Variants in ADAMTSL1 observed in about 807,000 individuals in gnomAD.
ADAMTSL1 encodes ADAMTS like 1.
ADAMTSL1 carries 126 observed loss-of-function variants against 201.8 expected under a neutral mutation model. The observed-to-expected ratio is 0.62, with a 90% CI of 0.54 to 0.72. The LOEUF (loss-of-function observed/expected upper bound fraction) is 0.72, where lower values mean the gene tolerates loss of function less well. ADAMTSL1 is among the 30% of genes least tolerant of loss of function. The probability of loss-of-function intolerance (pLI) is 0.00; values close to 1 mark genes in which losing one functional copy is unlikely to be tolerated. For synonymous variants in ADAMTSL1, 1,121 were observed against 903.4 expected (o/e 1.24, Z -4.32); for missense variants, 2,679 against 2,277.8 (o/e 1.18, Z -3.59).
At chr9:18,576,767 G>A (rs1171627389) in intron 4 of ADAMTSL1, among the ~76,000 whole-genome samples, 1 of 152,012 alleles carries the variant, frequency 6.6e-6, no homozygotes, top group East Asian at 1.9e-4. Context: ...ATCATACGAG[G>A]TAGTAGTAGT....
intron 15 of ADAMTSL1, among the ~76,000 whole-genome samples, chr9:18,725,399 C>T (rs1817818041): frequency 6.6e-6 from 1 of 152,190 alleles, no homozygotes; most frequent in African/African-American, 2.4e-5. Context: ...CCCTTCACAA[C>T]TTTGCCTAAG....
At chr9:18,377,602 C>G (rs1234179095) in intron 2 of ADAMTSL1, among the ~76,000 whole-genome samples, 2 of 152,112 alleles carry the variant, frequency 1.3e-5, no homozygotes, top group African/African-American at 4.8e-5. Context: ...CAGAGTCTCA[C>G]TCTGTCACCC....
intron 2 of ADAMTSL1, among the ~76,000 whole-genome samples, chr9:18,192,832 T>C (rs1160413784): frequency 1.3e-5 from 2 of 152,164 alleles, no homozygotes; most frequent in Non-Finnish European, 2.9e-5. Flanking sequence ...TCCCTATTCC[T>C]AGTAGGTTTT....
At chr9:18,503,980 A>ATGTGTGTGTGTGTG (rs57749719) in intron 1 of ADAMTSL1, among the ~76,000 whole-genome samples, 111 of 148,142 alleles carry the variant, frequency 7.5e-4, no homozygotes, top group African/African-American at 2.2e-3. Context: ...ATGTGCATGC[A>ATGTGTGTGTGTGTG]TGTGTGTGTG....
At chr9:18,411,143 T>G (rs1301081664) in intron 2 of ADAMTSL1, among the ~76,000 whole-genome samples, 1 of 150,986 alleles carries the variant, frequency 6.6e-6, no homozygotes, top group African/African-American at 2.4e-5. Context: ...ATTTCAGGCG[T>G]GAGCCACTGC....
chr9:18,859,191 T>G (rs1827054308), intron 23 of ADAMTSL1, among the ~76,000 whole-genome samples: 1 of 152,206 alleles, frequency 6.6e-6, no homozygotes, highest in Non-Finnish European at 1.5e-5. Flanking sequence ...CAGATCTTAC[T>G]GGGCTAAAAT....
chr9:18,473,968 CT>C, upstream of ADAMTSL1: 1 of 437,972 alleles, frequency 2.3e-6, no homozygotes, highest in Admixed American at 4.1e-5. Flanking sequence ...CACCGTTACA[CT>C]TTCTCTGTCC....
intron 1 of ADAMTSL1, among the ~76,000 whole-genome samples, chr9:17,972,113 G>C (rs1478307467): frequency 6.6e-6 from 1 of 151,390 alleles, no homozygotes; most frequent in Non-Finnish European, 1.5e-5. Context: ...TTGTGTGTTT[G>C]TGGTGAGAAC....
rs1259545340 is a variant in ADAMTSL1 at position 18,622,291 on chromosome 9, T to C, written c.523T>C (p.Cys175Arg). Residue 175 changes from cysteine to arginine, a missense_variant, in exon 5 of 29, where the codon TGT becomes CGT. Cys to Arg is a radical substitution (Grantham distance 180). Coordinates refer to ENST00000380548, the MANE Select transcript of ADAMTSL1 (RefSeq NM_001040272.6). ...GGGAAGCACCGTCAAGGAAGATAAC[T>C]GTGGGGTCTGCAACGGAGATGGGTC... ...QLGSTVKEDN[C>R]GVCNGDGSTC... is the part of the protein sequence containing the mutation. 1 of 1,613,932 alleles carries C rather than the reference T, an allele frequency of 6.2e-7. No homozygotes were observed. Among genetic ancestry groups the C allele is most frequent in the Non-Finnish European group, 8.5e-7 (1 of 1,179,964 alleles).
chr9:18,085,596 G>A (rs574850925), intron 1 of ADAMTSL1, among the ~76,000 whole-genome samples: 17 of 140,954 alleles, frequency 1.2e-4, no homozygotes, highest in Admixed American at 2.1e-4. Flanking sequence ...GTGTGTATAC[G>A]TATATACACT....
chr9:18,634,877 A>T (rs28580690), intron 5 of ADAMTSL1, among the ~76,000 whole-genome samples: 21 of 130,072 alleles, frequency 1.6e-4, no homozygotes, highest in Non-Finnish European at 2.8e-4. Context: ...ATATATATTT[A>T]TATATATAAA....
At chr9:17,955,057 T>C (rs951506474) in intron 1 of ADAMTSL1, among the ~76,000 whole-genome samples, 1 of 152,178 alleles carries the variant, frequency 6.6e-6, no homozygotes, top group Non-Finnish European at 1.5e-5. Context: ...AATGTACACA[T>C]ACACATGTAT....
intron 13 of ADAMTSL1, among the ~76,000 whole-genome samples, chr9:18,702,560 C>T (rs900878636): frequency 1.1e-4 from 17 of 151,966 alleles, no homozygotes; most frequent in African/African-American, 3.1e-4. Flanking sequence ...ATGAAAGGAA[C>T]AATTAAGCTT....
At position 18,037,710 on chromosome 9, in the gene ADAMTSL1, A is replaced by C. The variant is rs1029381067; in HGVS notation, c.88-126152A>C. 2.6e-5 allele frequency among the ~76,000 whole-genome samples: 4 copies of C among 152,302 alleles called. 1 individual carries two copies. The highest frequency in any genetic ancestry group is 4.1e-4 in the South Asian group (2 of 4,824). On this transcript the variant is annotated intron_variant, in intron 1 of 29. Transcript: ENST00000680146. ...TCCTGATGCATATAATAAAGTTTAA[A>C]AGGCTTATTTTTTATGTATGTAACA...
At chr9:18,626,878 C>CTTTCTTTCTTTCTTTCTGTCTTT (rs1461320087) in intron 5 of ADAMTSL1, among the ~76,000 whole-genome samples, 89 of 90,068 alleles carry the variant, frequency 9.9e-4, no homozygotes, top group African/African-American at 2.7e-3. Context: ...TGTCTTTCTT[C>CTTTCTTTCTTTCTTTCTGTCTTT]CTTCCTTCCT....
intron 1 of ADAMTSL1, among the ~76,000 whole-genome samples, chr9:18,130,264 A>G (rs1245278214): frequency 2.0e-5 from 3 of 152,194 alleles, no homozygotes; most frequent in Non-Finnish European, 4.4e-5. Context: ...ATACCTATCA[A>G]GCAGCTCCTG....
At chr9:18,252,772 G>T (rs1054323379) in intron 2 of ADAMTSL1, among the ~76,000 whole-genome samples, 1 of 152,122 alleles carries the variant, frequency 6.6e-6, no homozygotes. Context: ...GTTAGGAAAT[G>T]AGCATCTTAA....
chr9:18,500,255 T>C (rs1022258114), intron 1 of ADAMTSL1, among the ~76,000 whole-genome samples: 1 of 152,258 alleles, frequency 6.6e-6, no homozygotes, highest in Non-Finnish European at 1.5e-5. Flanking sequence ...AACTGTCAGA[T>C]GTAAACCACG....
At chr9:18,179,024 G>A (rs1354458279) in intron 2 of ADAMTSL1, among the ~76,000 whole-genome samples, 7 of 152,374 alleles carry the variant, frequency 4.6e-5, no homozygotes, top group East Asian at 1.9e-4. Context: ...AAAGCTGGAC[G>A]GAGAATGACT....
Sources: allele counts gnomAD v4.1 joint callset (sites outside exome capture counted in the v4.1 genomes callset), GRCh38; gene constraint gnomAD v4.1.1; transcripts MANE v1.5; gene names NCBI Gene and HGNC (gene_info 2026-07-23, HGNC 2026-07-21).